The following UAP1 variants were observed in gnomAD, a reference collection of about 807,000 sequenced individuals.
UAP1 encodes UDP-N-acetylhexosamine pyrophosphorylase.
UAP1 carries 25 observed loss-of-function variants against 58.5 expected under a neutral mutation model. That is an observed-to-expected ratio of 0.43 (90% CI 0.31 to 0.60). The LOEUF (loss-of-function observed/expected upper bound fraction) is 0.60. Ranked by LOEUF, UAP1 falls within the 20% of genes least tolerant of loss-of-function variation. The pLI, the probability that UAP1 is intolerant of heterozygous loss-of-function variation, is 0.11. For synonymous variants in UAP1, 208 were observed against 213.0 expected (o/e 0.98, Z 0.21); for missense variants, 575 against 630.0 (o/e 0.91, Z 0.93).
At chr1:162,599,003 A>C (rs1240019397) in intron 10 of UAP1, among the ~76,000 whole-genome samples, 1 of 151,892 alleles carries the variant, frequency 6.6e-6, no homozygotes, top group Non-Finnish European at 1.5e-5. Flanking sequence ...AAAAAAGTTA[A>C]CTCTGTGAGA....
At chr1:162,566,204 A>G (rs114734687) in exon 2 of UAP1, 2 of 1,614,162 alleles carry the variant, frequency 1.2e-6, no homozygotes, top group Non-Finnish European at 1.7e-6. Flanking sequence ...TGAGGAGCTG[A>G]ACTTCTTTTT....
intron 2 of UAP1, among the ~76,000 whole-genome samples, chr1:162,567,267 G>C (rs1231127314): frequency 6.6e-6 from 1 of 152,096 alleles, no homozygotes; most frequent in East Asian, 1.9e-4. Context: ...TTTCATTCTA[G>C]CTTATCATAA....
chr1:162,589,961 A>C (rs1187402001), intron 7 of UAP1, among the ~76,000 whole-genome samples: 1 of 151,610 alleles, frequency 6.6e-6, no homozygotes, highest in East Asian at 1.9e-4. Context: ...ACAGAGTGAG[A>C]CTCCGTCTCA....
intron 8 of UAP1, 31 bp downstream of exon 8, chr1:162,590,542 A>G (rs1298777224): frequency 3.2e-6 from 5 of 1,545,846 alleles, no homozygotes; most frequent in Non-Finnish European, 4.4e-6. Flanking sequence ...TTTTGTATGA[A>G]TCCTTTCTTG....
chr1:162,565,367 A>T (rs1327799700), intron 1 of UAP1, among the ~76,000 whole-genome samples: 1 of 152,146 alleles, frequency 6.6e-6, no homozygotes, highest in African/African-American at 2.4e-5. Context: ...TTATTCACTG[A>T]TTGTTATATG....
At chr1:162,564,756 G>A (rs373139441) in intron 1 of UAP1, among the ~76,000 whole-genome samples, 3 of 152,078 alleles carry the variant, frequency 2.0e-5, no homozygotes, top group African/African-American at 7.2e-5. Flanking sequence ...TTAGTTTTCA[G>A]GCTTTTCATG....
chr1:162,578,788 G>C (rs1199471416), intron 3 of UAP1, among the ~76,000 whole-genome samples: 1 of 152,154 alleles, frequency 6.6e-6, no homozygotes, highest in East Asian at 1.9e-4. Flanking sequence ...TATTAATTGA[G>C]TGTCTTTTTC....
rs967503444 is a variant in UAP1 at position 162,568,948 on chromosome 1, C to T, written c.280+2600C>T. 3.3e-5 allele frequency among the ~76,000 whole-genome samples: 5 copies of T among 152,250 alleles called. No homozygotes were observed. In the South Asian group the frequency reaches 1.0e-3, roughly 32 times the overall value. Reference sequence around the variant, plus strand: ...GAGCTAGTCTACATTTATGACTTTTCATGTAAACTAAAATCCGGAACTATT... The same window carrying T: ...GAGCTAGTCTACATTTATGACTTTTTATGTAAACTAAAATCCGGAACTATT... On this transcript the variant is annotated intron_variant, in intron 2 of 10. Transcript: ENST00000271469.
At chr1:162,594,120 C>T (rs1655485653) in intron 9 of UAP1, among the ~76,000 whole-genome samples, 1 of 152,288 alleles carries the variant, frequency 6.6e-6, no homozygotes, top group Admixed American at 6.5e-5. Flanking sequence ...ATTTATAGTA[C>T]ACTTTATTTC....
At chr1:162,582,539 C>T (rs762412194) in intron 5 of UAP1, among the ~76,000 whole-genome samples, 1 of 152,058 alleles carries the variant, frequency 6.6e-6, no homozygotes, top group African/African-American at 2.4e-5. Context: ...AACTGGCTAA[C>T]AATAAAGTAA....
At chr1:162,572,915 CG>C (rs1338126076) in intron 2 of UAP1, among the ~76,000 whole-genome samples, 2 of 152,082 alleles carry the variant, frequency 1.3e-5, no homozygotes, top group African/African-American at 2.4e-5. Flanking sequence ...AAGAGTTCTG[CG>C]TTCTGAAACA....
chr1:162,589,986 T>A (rs1253669336), intron 7 of UAP1, among the ~76,000 whole-genome samples: 1 of 151,268 alleles, frequency 6.6e-6, no homozygotes, highest in East Asian at 1.9e-4. Flanking sequence ...AATAAATAAA[T>A]AAAATGAAAT....
chr1:162,589,188 TATA>T (rs1174625494), intron 7 of UAP1, among the ~76,000 whole-genome samples: 1 of 68,364 alleles, frequency 1.5e-5, no homozygotes, highest in African/African-American at 4.9e-5. Flanking sequence ...ATATATAATA[TATA>T]TTATATATTA....
intron 8 of UAP1, 26 bp from the exon 9 acceptor site, chr1:162,592,706 A>T (rs1171469919): frequency 1.3e-6 from 2 of 1,525,964 alleles, no homozygotes; most frequent in East Asian, 2.5e-5. Flanking sequence ...TTCCATTCCC[A>T]TTAATCCTTA....
intron 2 of UAP1, among the ~76,000 whole-genome samples, chr1:162,571,730 A>T (rs1653876677): frequency 6.6e-6 from 1 of 152,254 alleles, no homozygotes; most frequent in African/African-American, 2.4e-5. Flanking sequence ...TTATTGGGCC[A>T]CTTAATTCAA....
intron 1 of UAP1, chr1:162,562,562 T>C (rs1653220799): frequency 6.6e-6 from 1 of 152,056 alleles, no homozygotes; most frequent in South Asian, 2.1e-4. Flanking sequence ...TACTTCTACA[T>C]GGTTTATGAA....
At chr1:162,576,542 T>G (rs545821602) in intron 2 of UAP1, among the ~76,000 whole-genome samples, 1 of 152,326 alleles carries the variant, frequency 6.6e-6, no homozygotes, top group East Asian at 1.9e-4. Context: ...CTTACGTTGA[T>G]AAGCCCCTAT....
At chr1:162,600,000 T>C (rs987270472), downstream of UAP1, among the ~76,000 whole-genome samples, 1 of 152,234 alleles carries the variant, frequency 6.6e-6, no homozygotes, top group Non-Finnish European at 1.5e-5. Flanking sequence ...CTTATCACTT[T>C]ATAATAGTAG....
At chr1:162,590,004 T>C (rs905758527) in intron 7 of UAP1, among the ~76,000 whole-genome samples, 8 of 148,478 alleles carry the variant, frequency 5.4e-5, no homozygotes, top group East Asian at 2.0e-4. Flanking sequence ...AATTAATCTT[T>C]CCATTTCTAA....
Sources: gnomAD v4.1 joint callset for allele counts (sites outside exome capture counted in the v4.1 genomes callset) on GRCh38, gnomAD v4.1.1 for gene constraint, MANE v1.5 for transcripts, NCBI Gene and HGNC (gene_info 2026-07-23, HGNC 2026-07-21) for gene names.